SORCS1: variants seen among roughly 807,000 people sequenced by gnomAD.
SORCS1 encodes VPS10 domain-containing receptor SorCS1.
SORCS1 carries 60 observed loss-of-function variants against 146.1 expected under a neutral mutation model. The ratio of observed to expected loss-of-function variants is 0.41; its 90% CI spans 0.33 to 0.51. The LOEUF (loss-of-function observed/expected upper bound fraction) is 0.51, where lower values mean the gene tolerates loss of function less well. Ranked by LOEUF, SORCS1 falls within the 20% of genes least tolerant of loss-of-function variation. SORCS1 has a pLI of 0.21. For missense variants in SORCS1, 1,352 were observed against 1,487.6 expected (o/e 0.91, Z 1.50); for synonymous variants, 637 against 584.0 (o/e 1.09, Z -1.31).
intron 1 of SORCS1, among the ~76,000 whole-genome samples, chr10:107,106,611 C>T (rs1261019585): frequency 6.6e-6 from 1 of 152,146 alleles, no homozygotes; most frequent in Non-Finnish European, 1.5e-5. Flanking sequence ...ACACTCAGCT[C>T]TCAGTATCAG....
intron 3 of SORCS1, among the ~76,000 whole-genome samples, chr10:106,815,472 C>T (rs1947693410): frequency 6.6e-6 from 1 of 152,128 alleles, no homozygotes; most frequent in South Asian, 2.1e-4. Flanking sequence ...GAACCATGGG[C>T]AAAACTTTGT....
intron 17 of SORCS1, among the ~76,000 whole-genome samples, chr10:106,653,478 G>A (rs1457480202): frequency 6.6e-6 from 1 of 152,196 alleles, no homozygotes. Context: ...TAAACAGCCA[G>A]ATAGTGAATG....
At chr10:107,011,285 T>G (rs1306901138) in intron 1 of SORCS1, among the ~76,000 whole-genome samples, 1 of 152,190 alleles carries the variant, frequency 6.6e-6, no homozygotes, top group African/African-American at 2.4e-5. Flanking sequence ...TAAACCACTT[T>G]TCACTTCTTA....
intron 8 of SORCS1, among the ~76,000 whole-genome samples, chr10:106,704,151 C>T (rs966567301): frequency 4.6e-5 from 7 of 152,148 alleles, no homozygotes; most frequent in African/African-American, 1.7e-4. Flanking sequence ...AGTCTACAAA[C>T]ATTTCTTTGA....
intron 3 of SORCS1, among the ~76,000 whole-genome samples, chr10:106,784,409 A>C (rs1272950879): frequency 2.7e-5 from 4 of 147,252 alleles, no homozygotes; most frequent in Non-Finnish European, 6.1e-5. Context: ...AAAAAAAAAA[A>C]CCTAAACATG....
chr10:106,984,307 C>A (rs1956362960), intron 1 of SORCS1, among the ~76,000 whole-genome samples: 1 of 151,912 alleles, frequency 6.6e-6, no homozygotes, highest in Non-Finnish European at 1.5e-5. Flanking sequence ...GGAAATTGCC[C>A]AACAGATGTC....
chr10:106,794,417 G>C (rs549510052), intron 3 of SORCS1, among the ~76,000 whole-genome samples: 20 of 152,116 alleles, frequency 1.3e-4, no homozygotes, highest in African/African-American at 4.8e-4. Context: ...CAGATTTAGC[G>C]GGCAGAGAGC....
chr10:106,794,242 C>T (rs1020804983), intron 3 of SORCS1, among the ~76,000 whole-genome samples: 15 of 152,156 alleles, frequency 9.9e-5, no homozygotes, highest in Non-Finnish European at 2.9e-5. Flanking sequence ...ATAGAGAGGT[C>T]ATAAGCTTTC....
intron 18 of SORCS1, among the ~76,000 whole-genome samples, chr10:106,633,730 T>C (rs1848568889): frequency 6.6e-6 from 1 of 152,356 alleles, no homozygotes; most frequent in East Asian, 1.9e-4. Flanking sequence ...TCTGTCAAAA[T>C]TAACTCTCAT....
rs191491758 is a variant in SORCS1, at chr10:106,779,846, C to T, written c.727-3154G>A. Among the ~76,000 whole-genome samples the T allele has an allele frequency of 1.1e-3, 161 of 152,262 alleles. 2 individuals carry two copies. Among genetic ancestry groups the T allele is most frequent in the African/African-American group, 3.8e-3 (158 of 41,558 alleles). On this transcript the variant is annotated intron_variant, in intron 3 of 25. Coordinates refer to ENST00000263054, the MANE Select transcript of SORCS1 (RefSeq NM_052918.5). ...ACACAAATGCACACACGTTAACACACATGACTGTATAATGTACTCCAATTA... is the reference window on the plus strand; with the variant it reads ...ACACAAATGCACACACGTTAACACATATGACTGTATAATGTACTCCAATTA...
intron 1 of SORCS1, among the ~76,000 whole-genome samples, chr10:106,957,203 C>G (rs534173140): frequency 2.1e-4 from 28 of 136,388 alleles, no homozygotes; most frequent in African/African-American, 7.6e-4. Flanking sequence ...GAGTTTCGCT[C>G]GCTCGTGTTG....
At chr10:106,879,221 A>G (rs1950723349) in intron 2 of SORCS1, among the ~76,000 whole-genome samples, 1 of 152,110 alleles carries the variant, frequency 6.6e-6, no homozygotes, top group African/African-American at 2.4e-5. Flanking sequence ...AGAAAGTCAC[A>G]TAACTGATGA....
upstream of SORCS1, among the ~76,000 whole-genome samples, chr10:107,169,319 G>T (rs532370114): frequency 6.6e-6 from 1 of 152,152 alleles, no homozygotes. Flanking sequence ...AAACTGGGGA[G>T]AATAATATGC....
At chr10:106,808,318 C>T (rs7907253) in intron 3 of SORCS1, among the ~76,000 whole-genome samples, 67,115 of 152,000 alleles carry the variant, frequency 0.44, 14,917 homozygotes, top group African/African-American at 0.49. Flanking sequence ...GCACCTGGCC[C>T]GGTGCTGTTT....
intron 2 of SORCS1, among the ~76,000 whole-genome samples, chr10:106,907,041 C>T (rs536658196): frequency 2.4e-4 from 37 of 152,302 alleles, no homozygotes; most frequent in African/African-American, 8.9e-4. Context: ...TGATAATACT[C>T]ATTGCTGCCA....
Position 106,939,560 on chromosome 10 carries a change from G to A in SORCS1, c.626+16953C>T, listed in dbSNP as rs945332998. On this transcript the variant is annotated intron_variant, in intron 2 of 25. Coordinates refer to ENST00000263054, the MANE Select transcript of SORCS1 (RefSeq NM_052918.5). ...GTCCTGTGCCTTTCAGGAATTGATT[G>A]CATCTCCTGCTTCTGCAAGCTAAGA... 3.9e-4 allele frequency among the ~76,000 whole-genome samples: 59 copies of A among 152,330 alleles called. 3 individuals carry two copies. Among genetic ancestry groups the A allele is most frequent in the Admixed American group, 3.9e-3 (59 of 15,308 alleles).
At chr10:106,793,023 G>A (rs919344060) in intron 3 of SORCS1, among the ~76,000 whole-genome samples, 3 of 152,006 alleles carry the variant, frequency 2.0e-5, no homozygotes, top group East Asian at 1.9e-4. Flanking sequence ...GCAACCAAGT[G>A]ACAGTCCCTG....
At chr10:107,034,698 A>AC (rs1172998239) in intron 1 of SORCS1, among the ~76,000 whole-genome samples, 1 of 146,532 alleles carries the variant, frequency 6.8e-6, no homozygotes, top group Non-Finnish European at 1.5e-5. Flanking sequence ...AAAAAAAAAA[A>AC]AAAAAAAAAC....
At chr10:107,096,519 T>C (rs577367863) in intron 1 of SORCS1, among the ~76,000 whole-genome samples, 1 of 152,270 alleles carries the variant, frequency 6.6e-6, no homozygotes, top group South Asian at 2.1e-4. Flanking sequence ...TTATTATTTA[T>C]TTATTTATTT....
Sources: gnomAD v4.1 joint callset for allele counts (sites outside exome capture counted in the v4.1 genomes callset) on GRCh38, gnomAD v4.1.1 for gene constraint, MANE v1.5 for transcripts, NCBI Gene and HGNC (gene_info 2026-07-23, HGNC 2026-07-21) for gene names.